Variants in ARB2A observed in about 807,000 individuals in gnomAD.
The protein encoded by ARB2A is cotranscriptional regulator ARB2A.
the ARB2A span, among the ~76,000 whole-genome samples, chr5:94,001,797 C>A: frequency 2.0e-5 from 3 of 152,048 alleles, no homozygotes; most frequent in South Asian, 2.1e-4. Context: ...AACATCCCTG[C>A]CACATCTCGG....
chr5:94,085,367 A>G, the ARB2A span, among the ~76,000 whole-genome samples: 2 of 152,238 alleles, frequency 1.3e-5, no homozygotes, highest in South Asian at 4.1e-4. Context: ...AATCAAGTTC[A>G]TGAGATTGCA....
At chr5:93,834,733 A>T in the ARB2A span, among the ~76,000 whole-genome samples, 1 of 152,210 alleles carries the variant, frequency 6.6e-6, no homozygotes, top group African/African-American at 2.4e-5. Flanking sequence ...AAATGTGATG[A>T]TGCTATTCCA....
At chr5:93,878,884 G>C in the ARB2A span, among the ~76,000 whole-genome samples, 3 of 152,008 alleles carry the variant, frequency 2.0e-5, no homozygotes, top group South Asian at 6.2e-4. Context: ...ACTAGTCCTG[G>C]TTTCAACAAG....
At chr5:93,641,795 T>G in the ARB2A span, among the ~76,000 whole-genome samples, 16 of 152,270 alleles carry the variant, frequency 1.1e-4, no homozygotes, top group Admixed American at 2.0e-4. Flanking sequence ...AAAGCTACCT[T>G]TGCTTAATAG....
chr5:94,031,642 G>T, the ARB2A span, among the ~76,000 whole-genome samples: 22 of 152,310 alleles, frequency 1.4e-4, no homozygotes, highest in African/African-American at 5.3e-4. Context: ...CAGGCCATTT[G>T]CTAAAAGAAT....
chr5:93,951,099 C>G, the ARB2A span, among the ~76,000 whole-genome samples: 3 of 152,138 alleles, frequency 2.0e-5, no homozygotes, highest in African/African-American at 7.2e-5. Flanking sequence ...GGCACCTTAT[C>G]ATATGCCTGC....
the ARB2A span, among the ~76,000 whole-genome samples, chr5:93,786,609 A>G: frequency 6.6e-6 from 1 of 152,214 alleles, no homozygotes; most frequent in African/African-American, 2.4e-5. Context: ...GATTAGTAGA[A>G]TTGTGAATAA....
At chr5:93,959,028 T>C in the ARB2A span, 5 of 1,163,656 alleles carry the variant, frequency 4.3e-6, no homozygotes, top group East Asian at 1.3e-4. Context: ...TACACATAAA[T>C]GAAAAAACAA....
the ARB2A span, among the ~76,000 whole-genome samples, chr5:93,665,925 T>C: frequency 2.0e-5 from 3 of 152,224 alleles, no homozygotes; most frequent in Non-Finnish European, 4.4e-5. Flanking sequence ...TTCTCTGTTA[T>C]TGAGAGAAAG....
At chr5:93,738,604 T>C in the ARB2A span, 1 of 152,198 alleles carries the variant, frequency 6.6e-6, no homozygotes, top group Non-Finnish European at 1.5e-5. Context: ...TATATATCCA[T>C]ACAATGGAAT....
chr5:93,782,961 T>C, the ARB2A span, among the ~76,000 whole-genome samples: 7 of 152,118 alleles, frequency 4.6e-5, no homozygotes, highest in African/African-American at 1.4e-4. Context: ...GCAGGCTTGA[T>C]TAAATTATGA....
At chr5:94,026,883 C>G in the ARB2A span, among the ~76,000 whole-genome samples, 1 of 152,290 alleles carries the variant, frequency 6.6e-6, no homozygotes, top group South Asian at 2.1e-4. Flanking sequence ...TCTGAAAATG[C>G]AGGTCTAGTG....
the ARB2A span, among the ~76,000 whole-genome samples, chr5:93,843,124 G>C: frequency 6.6e-6 from 1 of 152,146 alleles, no homozygotes; most frequent in Non-Finnish European, 1.5e-5. Context: ...GTGCATGGGG[G>C]AAAGTTCCCA....
At chr5:93,912,979 T>C in the ARB2A span, among the ~76,000 whole-genome samples, 1 of 151,930 alleles carries the variant, frequency 6.6e-6, no homozygotes, top group East Asian at 1.9e-4. Flanking sequence ...TAACTAACTG[T>C]ATCAAAGTTC....
At chr5:94,088,607 C>T in the ARB2A span, among the ~76,000 whole-genome samples, 2 of 151,990 alleles carry the variant, frequency 1.3e-5, no homozygotes, top group Non-Finnish European at 1.5e-5. Context: ...AGGAGTTTGA[C>T]GTTACACTGA....
the ARB2A span, among the ~76,000 whole-genome samples, chr5:93,670,437 C>T: frequency 6.6e-6 from 1 of 152,190 alleles, no homozygotes; most frequent in Admixed American, 6.5e-5. Context: ...AGGAGCAGCC[C>T]CTCCTTAGTC....
At chr5:94,020,992 G>A in the ARB2A span, among the ~76,000 whole-genome samples, 2 of 152,078 alleles carry the variant, frequency 1.3e-5, no homozygotes, top group African/African-American at 4.8e-5. Context: ...GTATCCCTAT[G>A]TAATAAACCT....
the ARB2A span, among the ~76,000 whole-genome samples, chr5:94,057,286 C>G: frequency 6.6e-6 from 1 of 151,878 alleles, no homozygotes; most frequent in Non-Finnish European, 1.5e-5. Flanking sequence ...CACAGAAGGA[C>G]AAATATTATA....
At chr5:93,784,313 G>A in the ARB2A span, 3 of 1,009,396 alleles carry the variant, frequency 3.0e-6, no homozygotes, top group South Asian at 2.8e-5. Flanking sequence ...AGGTGTTACA[G>A]GTTGGTGGGG....
Sources: gnomAD v4.1 joint callset for allele counts (sites outside exome capture counted in the v4.1 genomes callset) on GRCh38, gnomAD v4.1.1 for gene constraint, MANE v1.5 for transcripts, NCBI Gene and HGNC (gene_info 2026-07-23, HGNC 2026-07-21) for gene names.